The following PLEKHD1 variants were observed in gnomAD, a reference collection of about 807,000 sequenced individuals.
The protein encoded by PLEKHD1 is pleckstrin homology and coiled-coil domain containing D1, also known as pleckstrin homology domain-containing family D member 1.
PLEKHD1 carries 51 observed loss-of-function variants against 69.2 expected under a neutral mutation model. That is an observed-to-expected ratio of 0.74 (90% CI 0.59 to 0.93). The LOEUF is 0.93. Among genes scored for constraint, PLEKHD1 ranks in the 40% least tolerant of loss-of-function variants. PLEKHD1 has a pLI of 0.00. For missense variants in PLEKHD1, 584 were observed against 641.0 expected (o/e 0.91, Z 0.96); for synonymous variants, 236 against 244.7 (o/e 0.96, Z 0.33).
upstream of PLEKHD1, among the ~76,000 whole-genome samples, chr14:69,481,794 G>A (rs1052868339): frequency 6.6e-6 from 1 of 152,236 alleles, no homozygotes; most frequent in African/African-American, 2.4e-5. Flanking sequence ...TCTGAGCAGT[G>A]TAGGGCACTT....
intron 1 of PLEKHD1, among the ~76,000 whole-genome samples, chr14:69,491,213 C>G (rs1176923291): frequency 1.3e-5 from 2 of 152,192 alleles, no homozygotes; most frequent in African/African-American, 4.8e-5. Context: ...CCTCAGTTTT[C>G]CAGCCTTCCA....
At chr14:69,512,467 G>A (rs967028818) in intron 6 of PLEKHD1, among the ~76,000 whole-genome samples, 2 of 151,026 alleles carry the variant, frequency 1.3e-5, no homozygotes, top group African/African-American at 4.9e-5. Flanking sequence ...GTTTCCTAAT[G>A]TGGAAGCTTA....
intron 6 of PLEKHD1, among the ~76,000 whole-genome samples, chr14:69,515,446 A>G (rs1883363922): frequency 6.6e-6 from 1 of 151,830 alleles, no homozygotes; most frequent in Non-Finnish European, 1.5e-5. Context: ...TTCTGCTGGT[A>G]GTTTCTGCCT....
At chr14:69,488,085 T>C (rs1333621729) in intron 1 of PLEKHD1, among the ~76,000 whole-genome samples, 1 of 152,104 alleles carries the variant, frequency 6.6e-6, no homozygotes, top group Non-Finnish European at 1.5e-5. Context: ...TGAACCGAGC[T>C]CCGCAGTTTA....
rs766808663 is a variant in PLEKHD1 at position 69,528,160 on chromosome 14, G to C, written c.1352-90G>C. On this transcript the variant is annotated intron_variant, in intron 12 of 12. Coordinates refer to ENST00000322564, the MANE Select transcript of PLEKHD1 (RefSeq NM_001161498.2). ...TGGAAGAAGCTTGGCACACATAAAG[G>C]AGTGAGGGGGTGGCATGAGGCTGGG... The C allele has an allele frequency of 7.0e-5, 103 of 1,480,518 alleles. 2 individuals are homozygous for C. The highest frequency in any genetic ancestry group is 6.5e-4 in the South Asian group (51 of 79,030). 91.7% of individuals were successfully genotyped at this position (1,480,518 alleles called of 1,614,324 possible).
chr14:69,487,182 A>AACACACACACACACACACAC (rs199671230), intron 1 of PLEKHD1, among the ~76,000 whole-genome samples: 13 of 140,452 alleles, frequency 9.3e-5, no homozygotes, highest in African/African-American at 3.2e-4. Flanking sequence ...GGGAATACAC[A>AACACACACACACACACACAC]ACACACACAC....
intron 6 of PLEKHD1, among the ~76,000 whole-genome samples, chr14:69,516,636 C>T (rs1883390203): frequency 6.6e-6 from 1 of 152,082 alleles, no homozygotes; most frequent in South Asian, 2.1e-4. Flanking sequence ...AGGTTTTGAG[C>T]AGGGAGTAAG....
At position 69,488,237 on chromosome 14, in the gene PLEKHD1, G is replaced by T. The variant is rs542541449; in HGVS notation, c.149+3123G>T. Among the ~76,000 whole-genome samples, 47 of 152,296 alleles carry T rather than the reference G, an allele frequency of 3.1e-4. No homozygotes were observed. The South Asian group carries it at 9.5e-3, about 31-fold the overall frequency. On this transcript the variant is annotated intron_variant, in intron 1 of 12. Coordinates refer to ENST00000322564, the MANE Select transcript of PLEKHD1 (RefSeq NM_001161498.2). ...TGTACAGTGTGTAAAGATTATCTGT[G>T]CAGATGAGGGTCACCATGCCAAAAA...
chr14:69,500,505 C>G, intron 2 of PLEKHD1, 72 bp from the exon 3 acceptor site: 2 of 1,322,548 alleles, frequency 1.5e-6, no homozygotes, highest in Non-Finnish European at 2.1e-6. Context: ...TGGCTTTGTC[C>G]AGGGGCCCCC....
intron 1 of PLEKHD1, among the ~76,000 whole-genome samples, chr14:69,494,371 TC>T (rs1882841732): frequency 6.6e-6 from 1 of 152,154 alleles, no homozygotes; most frequent in Non-Finnish European, 1.5e-5. Context: ...CCCATCTGTT[TC>T]CTGGTCAGGA....
In PLEKHD1 at chr14:69,485,184, C is replaced by T. The variant is rs538010998; in HGVS notation, c.149+70C>T. On this transcript the variant is annotated intron_variant, in intron 1 of 12. Coordinates refer to ENST00000322564, the MANE Select transcript of PLEKHD1 (RefSeq NM_001161498.2). ...CTGGGCGTCGTTACCCCTCCCACCC[C>T]CTCCAGTCGCCGTCGTGCCTCTGCT... The T allele has an allele frequency of 3.7e-3, 5,495 of 1,477,660 alleles. 12 individuals carry two copies. Among genetic ancestry groups the T allele is most frequent in the Non-Finnish European group, 4.7e-3 (5,124 of 1,101,070 alleles). 91.5% of individuals were successfully genotyped at this position (1,477,660 alleles called of 1,614,324 possible). A position where few individuals can be genotyped will look rare whatever the true frequency, so the allele number is the denominator to read the frequency against.
chr14:69,498,428 A>G (rs1214791186), intron 1 of PLEKHD1, among the ~76,000 whole-genome samples: 1 of 152,022 alleles, frequency 6.6e-6, no homozygotes, highest in Non-Finnish European at 1.5e-5. Flanking sequence ...GGCTCACACC[A>G]CAGCACAGAG....
At chr14:69,526,861 T>C in intron 10 of PLEKHD1, 32 bp downstream of exon 10, 1 of 1,498,878 alleles carries the variant, frequency 6.7e-7, no homozygotes, top group Non-Finnish European at 8.9e-7. Flanking sequence ...CCAGGGCCCT[T>C]CCCCTTCCCT....
chr14:69,487,656 AG>A (rs1382944191), intron 1 of PLEKHD1, among the ~76,000 whole-genome samples: 2 of 152,200 alleles, frequency 1.3e-5, no homozygotes, highest in African/African-American at 4.8e-5. Flanking sequence ...CTTGAGCTGA[AG>A]GGTCAACTTA....
chr14:69,472,643 C>T, the PLEKHD1 span, among the ~76,000 whole-genome samples: 1 of 152,182 alleles, frequency 6.6e-6, no homozygotes, highest in African/African-American at 2.4e-5. Context: ...AAATACTTAC[C>T]ATTGCATTGC....
chr14:69,484,983 C>T lies in PLEKHD1; in HGVS notation c.18C>T (p.Ser6=). The T allele has an allele frequency of 1.3e-6, 2 of 1,551,142 alleles. No homozygotes were observed. Among genetic ancestry groups the T allele is most frequent in the Non-Finnish European group, 1.7e-6 (2 of 1,146,848 alleles). Residue 6 remains serine (S), a synonymous_variant, in exon 1 of 13, where the codon TCC becomes TCT. Coordinates refer to ENST00000322564, the MANE Select transcript of PLEKHD1 (RefSeq NM_001161498.2). The stretch of plus-strand genomic sequence containing the variant: ...GAGGCAGGATGTTCACGTCCAAGTC[C>T]AACTCGGTGTCGCCCTCGCCGTCCC... The part of the protein sequence containing the change: MFTSK[S]NSVSPSPSLE...
chr14:69,526,561 A>C (rs1461567490), intron 9 of PLEKHD1, 136 bp from the exon 10 acceptor site: 1 of 1,071,860 alleles, frequency 9.3e-7, no homozygotes, highest in East Asian at 2.8e-5. Context: ...GGGTGCCTGG[A>C]CCCACAAAGT....
intron 6 of PLEKHD1, among the ~76,000 whole-genome samples, chr14:69,513,194 G>A (rs955054105): frequency 6.6e-6 from 1 of 151,304 alleles, no homozygotes; most frequent in African/African-American, 2.4e-5. Context: ...ACTCCAGCCT[G>A]GGTGGCAGAG....
intron 6 of PLEKHD1, among the ~76,000 whole-genome samples, chr14:69,505,971 C>A (rs1004570633): frequency 3.3e-5 from 5 of 152,200 alleles, no homozygotes; most frequent in Admixed American, 2.6e-4. Flanking sequence ...CTCAGCCATG[C>A]ACATGAGCAG....
Sources: allele counts gnomAD v4.1 joint callset (sites outside exome capture counted in the v4.1 genomes callset), GRCh38; gene constraint gnomAD v4.1.1; transcripts MANE v1.5; gene names NCBI Gene and HGNC (gene_info 2026-07-23, HGNC 2026-07-21).